Variants in TAF5 observed in about 807,000 individuals in gnomAD.
The protein encoded by TAF5 is transcription initiation factor TFIID subunit 5.
Under a neutral mutation model 80.9 loss-of-function variants are expected in TAF5, and 20 were observed. The observed-to-expected ratio is 0.25, with a 90% confidence interval of 0.17 to 0.36. TAF5 has a LOEUF of 0.36. Ranked by LOEUF, TAF5 falls within the 10% of genes least tolerant of loss-of-function variation. The pLI is 1.00. For synonymous variants in TAF5, 388 were observed against 406.4 expected, an observed-to-expected ratio of 0.95 and a Z score of 0.55; for missense variants, 863 against 1,029.4, an observed-to-expected ratio of 0.84 and a Z score of 2.21.
At chr10:103,379,170 G>C (rs2093376444) in intron 3 of TAF5, among the ~76,000 whole-genome samples, 1 of 152,134 alleles carries the variant, frequency 6.6e-6, no homozygotes, top group African/African-American at 2.4e-5. Context: ...GCTCCTTCTG[G>C]TTTCTGATCC....
chr10:103,370,387 G>T (rs2093356693), intron 1 of TAF5, among the ~76,000 whole-genome samples: 1 of 129,962 alleles, frequency 7.7e-6, no homozygotes, highest in African/African-American at 2.9e-5. Flanking sequence ...GTGCAGTGGT[G>T]TGATCTTGGC....
At chr10:103,368,870 C>CT (rs2093352287) in intron 1 of TAF5, among the ~76,000 whole-genome samples, 1 of 152,218 alleles carries the variant, frequency 6.6e-6, no homozygotes, top group Non-Finnish European at 1.5e-5. Flanking sequence ...CCGCATGACA[C>CT]TAACAGTGTT....
At chr10:103,381,884 T>A (rs1366873209) in intron 6 of TAF5, 43 bp downstream of exon 6, 2 of 1,610,258 alleles carry the variant, frequency 1.2e-6, no homozygotes, top group African/African-American at 2.7e-5. Context: ...GCCATTAGTC[T>A]ATACCAATCT....
rs746812997 is a variant in TAF5, at chr10:103,368,373, G to C, written c.384G>C (p.Ala128=). The C allele has an allele frequency of 6.4e-7, 1 of 1,563,346 alleles. No individual in the cohort carries two copies. The highest frequency in any genetic ancestry group is 8.6e-7 in the Non-Finnish European group (1 of 1,163,454). ...CCGGGCTGCTGGAGGAGGCAGTGGC[G>C]GGCTCCGGAGCCCCGGGAGAGGTGG... ...REAGLLEEAV[A]GSGAPGEVDS... is the part of the protein sequence containing the mutation. Residue 128 remains alanine, a synonymous_variant, in exon 1 of 11, where the codon GCG becomes GCC. Coordinates refer to ENST00000369839, the MANE Select transcript of TAF5 (RefSeq NM_006951.5).
Position 103,368,019 on chromosome 10 carries a change from G to T in TAF5, c.30G>T (p.Glu10Asp). Residue 10 changes from glutamate to aspartate, a missense_variant, in exon 1 of 11, where the codon GAG becomes GAT. Glu to Asp is a conservative substitution (Grantham distance 45). Coordinates refer to ENST00000369839, the MANE Select transcript of TAF5 (RefSeq NM_006951.5). ...CGGCGCTGGCGGAGGAGCAGACGGA[G>T]GTGGCGGTCAAGCTAGAGCCTGAGG... MAALAEEQT[E>D]VAVKLEPEGP... 6.8e-7 allele frequency: 1 copy of T among 1,468,266 alleles called. No homozygotes were observed. The allele number at this position is 1,468,266 out of a possible 1,614,324, so 91.0% of individuals were successfully genotyped here.
At chr10:103,377,736 G>C (rs2093373047) in intron 2 of TAF5, among the ~76,000 whole-genome samples, 1 of 152,024 alleles carries the variant, frequency 6.6e-6, no homozygotes, top group African/African-American at 2.4e-5. Context: ...AAAAATGATG[G>C]GTTTTATGAG....
At position 103,368,404 on chromosome 10, in the gene TAF5, G is replaced by A. The variant is rs2093350560; in HGVS notation, c.415G>A (p.Ala139Thr). The change falls in exon 1 of 11, where the codon GCC (alanine) becomes ACC (threonine). Residue 139 changes from alanine (A) to threonine (T), a missense_variant. This residue lies in a region of TAF5 where 367 missense variants were observed against 335.5 expected (regional missense o/e 1.09). Coordinates refer to ENST00000369839, the MANE Select transcript of TAF5 (RefSeq NM_006951.5). ...GSGAPGEVDS[A>T]GAEVTSALLS... ...CGGAGCCCCGGGAGAGGTGGACAGC[G>A]CCGGCGCTGAGGTGACCAGCGCGCT... The A allele has an allele frequency of 6.4e-7, 1 of 1,566,988 alleles. No individual in the cohort carries two copies. Among genetic ancestry groups the A allele is most frequent in the Non-Finnish European group, 8.6e-7 (1 of 1,165,928 alleles).
chr10:103,384,148 C>T (rs562684779), intron 7 of TAF5, among the ~76,000 whole-genome samples: 1 of 152,046 alleles, frequency 6.6e-6, no homozygotes, highest in African/African-American at 2.4e-5. Context: ...ATTAATCTTT[C>T]TATAATCAAA....
chr10:103,384,847 T>G (rs577459305), intron 7 of TAF5, among the ~76,000 whole-genome samples: 2 of 152,312 alleles, frequency 1.3e-5, no homozygotes, highest in African/African-American at 4.8e-5. Context: ...TATTAGCATG[T>G]CTGTAGTTTT....
At position 103,387,505 on chromosome 10, in the gene TAF5, A is replaced by G. The variant is rs1264128250; in HGVS notation, c.2008-16A>G. The G allele has an allele frequency of 1.2e-6, 2 of 1,600,522 alleles. No individual in the cohort carries two copies. Among genetic ancestry groups the G allele is most frequent in the Middle Eastern group, 1.7e-4 (1 of 6,000 alleles). On this transcript the variant is annotated splice_polypyrimidine_tract_variant and intron_variant, in intron 9 of 10. Coordinates refer to ENST00000369839, the MANE Select transcript of TAF5 (RefSeq NM_006951.5). ...TCCTAGACATACTTTGATCTTTTCT[A>G]TGAACTTTTTTCTAGGGACCAATTC...
intron 1 of TAF5, among the ~76,000 whole-genome samples, chr10:103,371,259 AAG>A (rs1175815735): frequency 1.3e-5 from 2 of 151,700 alleles, no homozygotes; most frequent in Admixed American, 6.6e-5. Flanking sequence ...AAAAAAAAAA[AAG>A]AGAGAGGAAT....
rs924170555 is a variant in TAF5, at chr10:103,368,143, G to T, written c.154G>T (p.Ala52Ser). 2 of 1,396,542 alleles carry T rather than the reference G, an allele frequency of 1.4e-6. No homozygotes were observed. Among genetic ancestry groups the T allele is most frequent in the South Asian group, 1.6e-5 (1 of 63,948 alleles). The allele number at this position is 1,396,542 out of a possible 1,614,324, so 86.5% of individuals were successfully genotyped here. ...CCCCAACGGCGGCGGCGGGAACGTT[G>T]CGGCGTCGTCGTCCACTGGCGGGGA... Reference protein sequence around the residue: ...NGPNGGGGNVAASSSTGGDGG... With the variant: ...NGPNGGGGNVSASSSTGGDGG... The change falls in exon 1 of 11, where the codon GCG becomes TCG. Residue 52 changes from alanine (A) to serine (S), a missense_variant. Coordinates refer to ENST00000369839, the MANE Select transcript of TAF5 (RefSeq NM_006951.5).
chr10:103,384,727 A>G (rs1180847436), intron 7 of TAF5, among the ~76,000 whole-genome samples: 2 of 152,206 alleles, frequency 1.3e-5, no homozygotes, highest in Non-Finnish European at 2.9e-5. Flanking sequence ...TTGCTTGATA[A>G]GGTTTTGCCA....
chr10:103,379,567 GAATA>G (rs775607438), intron 3 of TAF5, 37 bp from the exon 4 acceptor site: 4 of 1,482,348 alleles, frequency 2.7e-6, no homozygotes, highest in African/African-American at 1.4e-5. Flanking sequence ...GTATATTAAT[GAATA>G]AATAATTTTA....
chr10:103,383,097 A>C, intron 6 of TAF5, 141 bp from the exon 7 acceptor site: 1 of 616,624 alleles, frequency 1.6e-6, no homozygotes, highest in Non-Finnish European at 2.6e-6. Flanking sequence ...ATACTGCCTA[A>C]TTTAGAGGGA....
Position 103,378,129 on chromosome 10 carries a change from G to T in TAF5, c.798-106G>T. On this transcript the variant is annotated intron_variant, in intron 2 of 10. Transcript: ENST00000369839. This position sits in a 1 kb window ranked among gnomAD's most constrained non-coding sequence, Gnocchi z 4.1. ...CTACAGCTTAGTTCAGGATTATTTA[G>T]ACTACTACATTGAAAATATTCTGGG... 1.1e-6 allele frequency: 1 copy of T among 920,144 alleles called. No homozygotes were observed. The allele number at this position is 920,144 out of a possible 1,614,324, so 57.0% of individuals were successfully genotyped here.
intron 8 of TAF5, among the ~76,000 whole-genome samples, chr10:103,386,822 C>G (rs1238249886): frequency 6.6e-6 from 1 of 152,040 alleles, no homozygotes; most frequent in Non-Finnish European, 1.5e-5. Flanking sequence ...CGCCACCATG[C>G]CCAGCTAATT....
In TAF5 at chr10:103,385,546, G is replaced by C. The variant is rs572155654; in HGVS notation, c.1829+56G>C. 5.7e-6 allele frequency: 9 copies of C among 1,570,094 alleles called. No individual in the cohort carries two copies. The East Asian group carries it at 9.2e-5, about 16-fold the overall frequency. ...TATTCAATGAACAGAATGGTTTCTT[G>C]TTGGGAATTACACAGCCAGCCAAAT... On this transcript the variant is annotated intron_variant, in intron 8 of 10. Transcript: ENST00000369839.
intron 6 of TAF5, 147 bp from the exon 7 acceptor site, chr10:103,383,091 T>C (rs1167782891): frequency 8.9e-6 from 5 of 561,288 alleles, no homozygotes; most frequent in Non-Finnish European, 1.5e-5. Context: ...GAGATGATAC[T>C]GCCTAATTTA....
Sources: gnomAD v4.1 joint callset for allele counts (sites outside exome capture counted in the v4.1 genomes callset) on GRCh38, gnomAD v4.1.1 for gene constraint, gnomAD v4.1.1 regional missense constraint, Gnocchi (gnomAD v3.1) non-coding constraint, MANE v1.5 for transcripts, NCBI Gene and HGNC (gene_info 2026-07-23, HGNC 2026-07-21) for gene names.